RAP1GDS1: variants seen among roughly 807,000 people sequenced by gnomAD.
RAP1GDS1 encodes the protein Rap1 GTPase-GDP dissociation stimulator 1.
A neutral mutation model predicts 71.1 loss-of-function variants in RAP1GDS1; 35 were observed. The ratio of observed to expected loss-of-function variants is 0.49; its 90% CI spans 0.38 to 0.65. The LOEUF is 0.65. RAP1GDS1 is among the 30% of genes least tolerant of loss of function. RAP1GDS1 has a pLI of 0.00. For synonymous variants in RAP1GDS1, 229 were observed against 243.1 expected, an observed-to-expected ratio of 0.94 and a Z score of 0.54; for missense variants, 663 against 706.1, an observed-to-expected ratio of 0.94 and a Z score of 0.69.
chr4:98,392,880 TGAAATTCA>T (rs1372108272), intron 6 of RAP1GDS1, among the ~76,000 whole-genome samples: 1 of 152,132 alleles, frequency 6.6e-6, no homozygotes, highest in Non-Finnish European at 1.5e-5. Context: ...GTGGAATCCT[TGAAATTCA>T]GAAGGCAAAC....
At chr4:98,277,129 C>G (rs995358109) in intron 1 of RAP1GDS1, among the ~76,000 whole-genome samples, 4 of 152,072 alleles carry the variant, frequency 2.6e-5, no homozygotes, top group African/African-American at 9.7e-5. Flanking sequence ...ACATACATAA[C>G]ACACACACAA....
At chr4:98,291,704 C>T (rs1726953995) in intron 1 of RAP1GDS1, among the ~76,000 whole-genome samples, 1 of 146,628 alleles carries the variant, frequency 6.8e-6, no homozygotes, top group Admixed American at 6.8e-5. Context: ...CATATTTACT[C>T]ATTTTGTCAC....
intron 3 of RAP1GDS1, among the ~76,000 whole-genome samples, chr4:98,348,801 T>C (rs1406095764): frequency 6.6e-6 from 1 of 152,220 alleles, no homozygotes; most frequent in Non-Finnish European, 1.5e-5. Context: ...TTCGCTCAGT[T>C]TTTGATGGGG....
intron 7 of RAP1GDS1, among the ~76,000 whole-genome samples, chr4:98,408,320 A>G (rs979431756): frequency 6.6e-6 from 1 of 151,970 alleles, no homozygotes. Context: ...TTTAGTAGAC[A>G]CGGGGTTTCA....
chr4:98,401,894 T>C (rs1745465528), intron 6 of RAP1GDS1, among the ~76,000 whole-genome samples: 1 of 152,116 alleles, frequency 6.6e-6, no homozygotes, highest in Non-Finnish European at 1.5e-5. Context: ...TTGGAAGGAA[T>C]AGAGTACCAA....
At chr4:98,339,138 T>A (rs1321086767) in intron 2 of RAP1GDS1, among the ~76,000 whole-genome samples, 4 of 152,192 alleles carry the variant, frequency 2.6e-5, no homozygotes, top group Non-Finnish European at 5.9e-5. Flanking sequence ...TCTGGCCTGA[T>A]TGCCCAATTT....
chr4:98,269,537 A>G (rs1018538310), intron 1 of RAP1GDS1, among the ~76,000 whole-genome samples: 2 of 152,168 alleles, frequency 1.3e-5, no homozygotes, highest in African/African-American at 4.8e-5. Flanking sequence ...AAGGCAGCTT[A>G]CATAATGAGG....
intron 5 of RAP1GDS1, among the ~76,000 whole-genome samples, chr4:98,380,446 TAA>T (rs1741838373): frequency 6.6e-6 from 1 of 151,778 alleles, no homozygotes; most frequent in African/African-American, 2.4e-5. Flanking sequence ...TGAATTAAGA[TAA>T]TAGAGTTTTT....
intron 4 of RAP1GDS1, among the ~76,000 whole-genome samples, chr4:98,367,688 GA>G (rs1435898341): frequency 6.6e-6 from 1 of 152,210 alleles, no homozygotes; most frequent in Non-Finnish European, 1.5e-5. Context: ...GGAGTCAAAA[GA>G]GATCATTTTG....
intron 2 of RAP1GDS1, among the ~76,000 whole-genome samples, chr4:98,341,484 A>G (rs527555201): frequency 1.2e-4 from 18 of 152,246 alleles, no homozygotes; most frequent in Non-Finnish European, 2.5e-4. Context: ...GGTGATTTGC[A>G]GTTAACTGCT....
chr4:98,304,303 A>C (rs994074717), intron 2 of RAP1GDS1, among the ~76,000 whole-genome samples: 4 of 152,214 alleles, frequency 2.6e-5, no homozygotes, highest in African/African-American at 9.6e-5. Flanking sequence ...ACTAATTCAC[A>C]TTCCCACCAA....
At chr4:98,272,405 G>A (rs1011946917) in intron 1 of RAP1GDS1, among the ~76,000 whole-genome samples, 6 of 152,086 alleles carry the variant, frequency 3.9e-5, no homozygotes, top group African/African-American at 7.2e-5. Context: ...AAAAGTTGTC[G>A]AGATGCTTGA....
intron 12 of RAP1GDS1, among the ~76,000 whole-genome samples, chr4:98,432,960 TAAC>T (rs72221889): frequency 0.076 from 11,562 of 152,066 alleles, 481 homozygotes; most frequent in Admixed American, 0.14. Context: ...AACTTTGTAA[TAAC>T]AAAAACCTAT....
intron 2 of RAP1GDS1, among the ~76,000 whole-genome samples, chr4:98,318,198 T>A (rs369958052): frequency 6.6e-6 from 1 of 152,134 alleles, no homozygotes; most frequent in African/African-American, 2.4e-5. Flanking sequence ...AATATCTTGC[T>A]TAGTCTAGCT....
rs148430518 is a variant in RAP1GDS1 at position 98,375,822 on chromosome 4, G to T, written c.362-3195G>T. The stretch of plus-strand genomic sequence containing the variant: ...CATTTGCCATACACAAGGAGGAAAC[G>T]TAGTAAAATCCAAAGTTAGGATGCA... On this transcript the variant is annotated intron_variant, in intron 4 of 14. Transcript: ENST00000408927. 2.0e-3 allele frequency among the ~76,000 whole-genome samples: 299 copies of T among 152,242 alleles called. 6 individuals carry two copies. Among genetic ancestry groups the T allele is most frequent in the Admixed American group, 0.013 (191 of 15,270 alleles).
chr4:98,377,515 A>G (rs1741333408), intron 4 of RAP1GDS1, among the ~76,000 whole-genome samples: 2 of 151,914 alleles, frequency 1.3e-5, no homozygotes, highest in African/African-American at 4.8e-5. Flanking sequence ...TTCCATCTTT[A>G]TAACAATACA....
intron 5 of RAP1GDS1, among the ~76,000 whole-genome samples, chr4:98,391,307 C>T (rs1268372137): frequency 6.6e-6 from 1 of 152,104 alleles, no homozygotes; most frequent in Non-Finnish European, 1.5e-5. Flanking sequence ...CTAAGCCAGA[C>T]TTTCCTCTCT....
intron 1 of RAP1GDS1, among the ~76,000 whole-genome samples, chr4:98,277,994 A>G (rs1300923900): frequency 6.6e-6 from 1 of 152,210 alleles, no homozygotes; most frequent in African/African-American, 2.4e-5. Flanking sequence ...TGGGAGGCCA[A>G]GGCGGATGTG....
intron 6 of RAP1GDS1, chr4:98,395,794 A>G (rs1038965379): frequency 1.3e-5 from 2 of 152,210 alleles, no homozygotes; most frequent in Non-Finnish European, 1.5e-5. Context: ...TTAAATGAAT[A>G]ATAATATGAA....
Sources: allele counts gnomAD v4.1 joint callset (sites outside exome capture counted in the v4.1 genomes callset), GRCh38; gene constraint gnomAD v4.1.1; transcripts MANE v1.5; gene names NCBI Gene and HGNC (gene_info 2026-07-23, HGNC 2026-07-21).